Variants in ALKBH6 observed in about 807,000 individuals in gnomAD.
The protein encoded by ALKBH6 is alkB homolog 6, nucleotide demethylase, also known as probable RNA/DNA demethylase ALKBH6.
A neutral mutation model predicts 25.1 loss-of-function variants in ALKBH6; 20 were observed. That is an observed-to-expected ratio of 0.80 (90% CI 0.56 to 1.16). The LOEUF (loss-of-function observed/expected upper bound fraction) is 1.16, where lower values mean the gene tolerates loss of function less well. ALKBH6 is among the 50% of genes most tolerant of loss of function. ALKBH6 has a pLI of 0.00. For synonymous variants in ALKBH6, 156 were observed against 147.5 expected (o/e 1.06, Z -0.42); for missense variants, 263 against 326.5 (o/e 0.81, Z 1.50).
Position 36,013,247 on chromosome 19 carries a change from A to G in ALKBH6, c.54+97T>C. On this transcript the variant is annotated intron_variant, in intron 2 of 6. Coordinates refer to ENST00000378875, the MANE Select transcript of ALKBH6 (RefSeq NM_032878.5). This position sits in a 1 kb window ranked among gnomAD's most constrained non-coding sequence, Gnocchi z 4.6. ...CAGTGCCATTCCAGAATGGACTCTG[A>G]CAGTAAGAATGAATTTGGTGGAAGG... 6.6e-7 allele frequency: 1 copy of G among 1,525,974 alleles called. No homozygotes were observed. 94.5% of individuals were successfully genotyped at this position (1,525,974 alleles called of 1,614,324 possible).
Position 36,010,865 on chromosome 19 carries a change from G to C in ALKBH6, c.336+29C>G. ...CAGCACAGCTCAGAAGTCTGAGTGG[G>C]GGGACACGGGCCGAGGGTGTGTGGT... On this transcript the variant is annotated intron_variant, in intron 5 of 6. Transcript: ENST00000378875. This position sits in a 1 kb window ranked among gnomAD's most constrained non-coding sequence, Gnocchi z 5.5. The C allele has an allele frequency of 6.2e-7, 1 of 1,613,682 alleles. No homozygotes were observed. The highest frequency in any genetic ancestry group is 8.5e-7 in the Non-Finnish European group (1 of 1,179,672).
At position 36,013,108 on chromosome 19, in the gene ALKBH6, CT is replaced by C; in HGVS notation, c.55-20del. The stretch of plus-strand genomic sequence containing the variant: ...GTGGTGCCTAGGATAGAAAGACCCC[CT>C]GAAGGTGTGGCCCTTCAACCCACAC... On this transcript the variant is annotated intron_variant, in intron 2 of 6. Coordinates refer to ENST00000378875, the MANE Select transcript of ALKBH6 (RefSeq NM_032878.5). The surrounding 1 kb of genome is among the most constrained non-coding windows in gnomAD (Gnocchi z 4.6). 6.2e-7 allele frequency: 1 copy of C among 1,610,628 alleles called. No homozygotes were observed. The highest frequency in any genetic ancestry group is 1.1e-5 in the South Asian group (1 of 90,990).
chr19:36,011,848 G>A (rs1192929688), intron 3 of ALKBH6: 1 of 167,328 alleles, frequency 6.0e-6, no homozygotes, highest in African/African-American at 2.4e-5. Context: ...CACTTTGGGA[G>A]GCCGAGGCGG....
chr19:36,012,408 G>A (rs1968633883), intron 3 of ALKBH6: 1 of 153,494 alleles, frequency 6.5e-6, no homozygotes, highest in Admixed American at 6.5e-5. Context: ...AGCTGTACTG[G>A]GCTATTTCAG....
In ALKBH6 at chr19:36,013,342, A is replaced by G. The variant is rs1306694393; in HGVS notation, c.54+2T>C. Reference sequence around the variant, plus strand: ...ACCCTCTGCACCCTGAGTTCTGACAACCTGCTCCACTCTGAACGGTTCCAG... The same window carrying G: ...ACCCTCTGCACCCTGAGTTCTGACAGCCTGCTCCACTCTGAACGGTTCCAG... On this transcript the variant is annotated splice_donor_variant, in intron 2 of 6. Transcript: ENST00000378875. LOFTEE classifies it high-confidence loss of function. This position sits in a 1 kb window ranked among gnomAD's most constrained non-coding sequence, Gnocchi z 4.6. 1 of 1,613,716 alleles carries G rather than the reference A, an allele frequency of 6.2e-7. No individual in the cohort carries two copies. Among genetic ancestry groups the G allele is most frequent in the Non-Finnish European group, 8.5e-7 (1 of 1,179,906 alleles).
At chr19:36,011,591 C>G in intron 3 of ALKBH6, 127 bp from the exon 4 acceptor site, 1 of 1,038,268 alleles carries the variant, frequency 9.6e-7, no homozygotes, top group Non-Finnish European at 1.4e-6. Flanking sequence ...GGACCATTCC[C>G]TGGGGCGGTG....
At chr19:36,011,739 G>A (rs1332006793) in intron 3 of ALKBH6, 4 of 370,504 alleles carry the variant, frequency 1.1e-5, no homozygotes, top group Admixed American at 3.8e-5. Flanking sequence ...TCTACTCAGA[G>A]TTCTGGGGCT....
In ALKBH6 at chr19:36,009,359, G is replaced by A; in HGVS notation, c.648C>T (p.Gly216=). 7.7e-7 allele frequency: 1 copy of A among 1,299,222 alleles called. No individual in the cohort carries two copies. 80.5% of individuals were successfully genotyped at this position (1,299,222 alleles called of 1,614,324 possible). A position where few individuals can be genotyped will look rare whatever the true frequency, so the allele number is the denominator to read the frequency against. Residue 216 remains glycine, a synonymous_variant, in exon 7 of 7, where the codon GGC becomes GGT. Transcript: ENST00000378875. ...GGCGGATGGTCAGCGAGACCCGGGT[G>A]CCGCGCACCAGGCAGGCTCCCGGCC... ...SARPGACLVR[G]TRVSLTIRRV... is the part of the protein sequence containing the mutation.
intron 3 of ALKBH6, 90 bp downstream of exon 3, chr19:36,012,931 T>C (rs751828295): frequency 1.5e-6 from 2 of 1,326,842 alleles, no homozygotes; most frequent in Non-Finnish European, 2.2e-6. Context: ...GGGTCTTCAC[T>C]GCAGCCTTGG....
At position 36,009,385 on chromosome 19, in the gene ALKBH6, G is replaced by A. The variant is rs1968513504; in HGVS notation, c.622C>T (p.Arg208Trp). 2.4e-6 allele frequency: 3 copies of A among 1,257,786 alleles called. No homozygotes were observed. The highest frequency in any genetic ancestry group is 4.2e-5 in the Admixed American group (1 of 23,710). The allele number at this position is 1,257,786 out of a possible 1,614,324, so 77.9% of individuals were successfully genotyped here. A position where few individuals can be genotyped will look rare whatever the true frequency, so the allele number is the denominator to read the frequency against. ...CCGCGCACCAGGCAGGCTCCCGGCC[G>A]CGCCGACGGGCAGGCTGCCGCATTG... ...PPNAAACPSA[R>W]PGACLVRGTR... Residue 208 changes from arginine to tryptophan, a missense_variant, in exon 7 of 7, where the codon CGG (arginine) becomes TGG (tryptophan). This residue lies in a region of ALKBH6 where 148 missense variants were observed against 157.5 expected (regional missense o/e 0.94). Coordinates refer to ENST00000378875, the MANE Select transcript of ALKBH6 (RefSeq NM_032878.5).
Position 36,009,520 on chromosome 19 carries a change from G to C in ALKBH6, c.487C>G (p.Leu163Val), listed in dbSNP as rs922339123. 1 of 1,255,878 alleles carries C rather than the reference G, an allele frequency of 8.0e-7. No homozygotes were observed. Among genetic ancestry groups the C allele is most frequent in the Non-Finnish European group, 1.0e-6 (1 of 1,001,746 alleles). The allele number at this position is 1,255,878 out of a possible 1,614,324, so 77.8% of individuals were successfully genotyped here. Residue 163 changes from leucine to valine, a missense_variant, in exon 7 of 7, where the codon CTG becomes GTG. Transcript: ENST00000378875. ...ACCAGCAGGCTGCGCGGTTCCAGCA[G>C]TAGCGAGGTGGTGGGCCGGGGCGGA... ...RPPPRPTTSL[L>V]LEPRSLLVLR...
rs1397402280 is a variant in ALKBH6, at chr19:36,013,670, T to G, written c.-25-248A>C. ...CACTAAGGGCCCATCCAACTACACA[T>G]ATGCCTTCTCAATCCTCCCACAGAG... On this transcript the variant is annotated intron_variant, in intron 1 of 6. Transcript: ENST00000378875. The surrounding 1 kb of genome is among the most constrained non-coding windows in gnomAD (Gnocchi z 4.6). The G allele has an allele frequency of 9.7e-6, 13 of 1,342,620 alleles. No homozygotes were observed. The Admixed American group carries it at 1.7e-4, about 18-fold the overall frequency. 83.2% of individuals were successfully genotyped at this position (1,342,620 alleles called of 1,614,324 possible).
Position 36,013,053 on chromosome 19 carries a change from A to C in ALKBH6, c.91T>G (p.Ser31Ala). The change falls in exon 3 of 7, where the codon TCC becomes GCC. Residue 31 changes from serine to alanine, a missense_variant. Ser to Ala is a moderately conservative substitution (Grantham distance 99). Transcript: ENST00000378875. The surrounding 1 kb of genome is among the most constrained non-coding windows in gnomAD (Gnocchi z 4.6). The part of the protein sequence containing the change: ...PVIYYVPDFI[S>A]KEEEEYLLRQ... Reference sequence around the variant, plus strand: ...AGCAAATACTCCTCCTCTTCTTTGGAGATGAAGTCAGGGACATAGTAGATT... The same window carrying C: ...AGCAAATACTCCTCCTCTTCTTTGGCGATGAAGTCAGGGACATAGTAGATT... 6.2e-7 allele frequency: 1 copy of C among 1,614,074 alleles called. No homozygotes were observed. Among genetic ancestry groups the C allele is most frequent in the Non-Finnish European group, 8.5e-7 (1 of 1,179,978 alleles).
Position 36,010,817 on chromosome 19 carries a change from G to A in ALKBH6, c.336+77C>T, listed in dbSNP as rs750271099. The A allele has an allele frequency of 3.8e-6, 6 of 1,589,310 alleles. No individual in the cohort carries two copies. In the Admixed American group the frequency reaches 1.0e-4, roughly 27 times the overall value. On this transcript the variant is annotated intron_variant, in intron 5 of 6. Transcript: ENST00000378875. The surrounding 1 kb of genome is among the most constrained non-coding windows in gnomAD (Gnocchi z 5.5). ...GAGATGTGGCTGCCTAATGAGTGAG[G>A]GTGGGTACAGAGTCCCCTGCCCCAG...
At chr19:36,009,681 G>T (rs1455814772) in intron 6 of ALKBH6, 128 bp from the exon 7 acceptor site, 3 of 651,112 alleles carry the variant, frequency 4.6e-6, no homozygotes, top group Non-Finnish European at 6.6e-6. Flanking sequence ...TGCTCACAAT[G>T]ATGGAGGCTT....
chr19:36,009,597 G>T, intron 6 of ALKBH6, 44 bp from the exon 7 acceptor site: 1 of 1,147,094 alleles, frequency 8.7e-7, no homozygotes, highest in East Asian at 3.3e-5. Flanking sequence ...GAAGTCGGGG[G>T]GTGGGGGTGG....
At chr19:36,011,103 G>T (rs1420124097) in intron 4 of ALKBH6, 58 bp from the exon 5 acceptor site, 2 of 1,545,918 alleles carry the variant, frequency 1.3e-6, no homozygotes, top group Non-Finnish European at 1.7e-6. Flanking sequence ...CCCCATTAGG[G>T]ATTCCACAGT....
At chr19:36,012,948 T>C in intron 3 of ALKBH6, 73 bp downstream of exon 3, 1 of 1,462,270 alleles carries the variant, frequency 6.8e-7, no homozygotes. Context: ...TTGGGGGCTC[T>C]CATACAGAGG....
chr19:36,010,654 C>G lies in ALKBH6; in HGVS notation c.366G>C (p.Pro122=). 4 of 1,613,952 alleles carry G rather than the reference C, an allele frequency of 2.5e-6. No homozygotes were observed. Among genetic ancestry groups the G allele is most frequent in the Non-Finnish European group, 3.4e-6 (4 of 1,179,922 alleles). ...AGCCCAGGCTGATGGTGCTGACAGT[C>G]GGGTAGTACAGTGGTCCGTCCTCGT... ...MPHEDGPLYY[P]TVSTISLGSH... Residue 122 remains proline, a synonymous_variant, in exon 6 of 7, where the codon CCG becomes CCC. Coordinates refer to ENST00000378875, the MANE Select transcript of ALKBH6 (RefSeq NM_032878.5). This position sits in a 1 kb window ranked among gnomAD's most constrained non-coding sequence, Gnocchi z 5.5.
Sources: gnomAD v4.1 joint callset for allele counts on GRCh38, gnomAD v4.1.1 for gene constraint, gnomAD v4.1.1 regional missense constraint, Gnocchi (gnomAD v3.1) non-coding constraint, MANE v1.5 for transcripts, NCBI Gene and HGNC (gene_info 2026-07-23, HGNC 2026-07-21) for gene names.